Variants in GRIN2A observed in about 807,000 individuals in gnomAD.
GRIN2A encodes the protein glutamate ionotropic receptor NMDA type subunit 2A.
GRIN2A carries 22 observed loss-of-function variants against 113.4 expected under a neutral mutation model. That is an observed-to-expected ratio of 0.19 (90% CI 0.14 to 0.28). GRIN2A has a LOEUF of 0.28. Ranked by LOEUF, GRIN2A falls within the 10% of genes least tolerant of loss-of-function variation. GRIN2A has a pLI of 1.00. For synonymous variants in GRIN2A, 827 were observed against 738.4 expected, an observed-to-expected ratio of 1.12 and a Z score of -1.94; for missense variants, 1,502 against 1,887.0, an observed-to-expected ratio of 0.80 and a Z score of 3.78.
chr16:10,012,874 G>T (rs1237386119), intron 2 of GRIN2A, among the ~76,000 whole-genome samples: 2 of 152,178 alleles, frequency 1.3e-5, no homozygotes, highest in African/African-American at 4.8e-5. Flanking sequence ...AGAACTGTAG[G>T]ATAATAAATT....
chr16:9,807,657 G>A (rs532741105), intron 10 of GRIN2A, among the ~76,000 whole-genome samples: 1 of 152,200 alleles, frequency 6.6e-6, no homozygotes, highest in South Asian at 2.1e-4. Flanking sequence ...TTTTTCAGAT[G>A]AGGACACTGA....
At chr16:10,128,077 T>C (rs987521142) in intron 2 of GRIN2A, among the ~76,000 whole-genome samples, 1 of 152,164 alleles carries the variant, frequency 6.6e-6, no homozygotes, top group Non-Finnish European at 1.5e-5. Flanking sequence ...TCAGTGAGCT[T>C]CCCTTGTTGG....
chr16:10,083,995 G>T (rs937912635), intron 2 of GRIN2A, among the ~76,000 whole-genome samples: 1 of 152,258 alleles, frequency 6.6e-6, no homozygotes, highest in Non-Finnish European at 1.5e-5. Context: ...CCAGCTACTT[G>T]GGGGTTGAAG....
chr16:10,127,266 A>C (rs1480036195), intron 2 of GRIN2A, among the ~76,000 whole-genome samples: 1 of 151,408 alleles, frequency 6.6e-6, no homozygotes, highest in African/African-American at 2.4e-5. Context: ...ACAAGATGGG[A>C]AAGTCTTTGG....
intron 2 of GRIN2A, among the ~76,000 whole-genome samples, chr16:10,036,790 C>G (rs2047043286): frequency 6.6e-6 from 1 of 151,956 alleles, no homozygotes. Context: ...TACCATCTCT[C>G]CTCTCTGCAT....
At chr16:9,819,654 T>A (rs144566019) in intron 10 of GRIN2A, among the ~76,000 whole-genome samples, 1 of 151,998 alleles carries the variant, frequency 6.6e-6, no homozygotes, top group African/African-American at 2.4e-5. Context: ...TAAGAGTATA[T>A]TGAATTATTT....
intron 10 of GRIN2A, among the ~76,000 whole-genome samples, chr16:9,813,029 G>C (rs1013451362): frequency 6.6e-6 from 1 of 152,210 alleles, no homozygotes; most frequent in Non-Finnish European, 1.5e-5. Flanking sequence ...GCTCTTCATC[G>C]TACAGAAGTG....
At chr16:10,113,112 C>G (rs1445096341) in intron 2 of GRIN2A, among the ~76,000 whole-genome samples, 1 of 152,054 alleles carries the variant, frequency 6.6e-6, no homozygotes, top group Non-Finnish European at 1.5e-5. Flanking sequence ...GCCCCCCAGC[C>G]CAGCCAGCCA....
At chr16:9,798,716 C>G (rs1054738114) in intron 10 of GRIN2A, among the ~76,000 whole-genome samples, 20 of 152,184 alleles carry the variant, frequency 1.3e-4, no homozygotes, top group Middle Eastern at 3.2e-3. Flanking sequence ...AGTGAGTAAA[C>G]AGTTGAGTTT....
chr16:9,917,187 T>C lies in GRIN2A; in HGVS notation c.1007+20772A>G, dbSNP rs2044269590. 2.0e-5 allele frequency among the ~76,000 whole-genome samples: 3 copies of C among 152,234 alleles called. No individual in the cohort carries two copies. The South Asian group carries it at 6.2e-4, about 32-fold the overall frequency. On this transcript the variant is annotated intron_variant, in intron 3 of 12. Transcript: ENST00000330684. ...CTTCTGCAAAGAGGCAAGAGGTGTG[T>C]TCCTTCCATCCTTCACGTTTTCCAT...
At chr16:10,062,060 GA>G (rs2047559158) in intron 2 of GRIN2A, among the ~76,000 whole-genome samples, 1 of 152,154 alleles carries the variant, frequency 6.6e-6, no homozygotes. Context: ...GTAATGGCCG[GA>G]CCAAAGTCAC....
intron 2 of GRIN2A, among the ~76,000 whole-genome samples, chr16:10,119,070 G>A (rs2048781412): frequency 6.6e-6 from 1 of 152,114 alleles, no homozygotes; most frequent in Non-Finnish European, 1.5e-5. Flanking sequence ...TCACCAACCA[G>A]GAACACCATT....
At chr16:10,036,255 A>T (rs1277324614) in intron 2 of GRIN2A, among the ~76,000 whole-genome samples, 1 of 152,024 alleles carries the variant, frequency 6.6e-6, no homozygotes, top group Non-Finnish European at 1.5e-5. Context: ...CTTGAACAAT[A>T]TAATTTTTTT....
At chr16:9,886,915 C>A (rs2043596748) in intron 4 of GRIN2A, among the ~76,000 whole-genome samples, 1 of 152,090 alleles carries the variant, frequency 6.6e-6, no homozygotes, top group African/African-American at 2.4e-5. Flanking sequence ...TGAGACAAAA[C>A]CTTGCTCTGT....
chr16:10,081,773 C>T (rs1250433537), intron 2 of GRIN2A, among the ~76,000 whole-genome samples: 1 of 152,130 alleles, frequency 6.6e-6, no homozygotes, highest in Non-Finnish European at 1.5e-5. Flanking sequence ...GCACAGTCTC[C>T]AAATCTGATG....
intron 2 of GRIN2A, among the ~76,000 whole-genome samples, chr16:10,107,194 T>C (rs987253704): frequency 6.6e-6 from 1 of 152,194 alleles, no homozygotes; most frequent in Non-Finnish European, 1.5e-5. Flanking sequence ...TTTCTGTATT[T>C]GGAAGAGCTA....
chr16:9,822,227 C>A, intron 10 of GRIN2A, 37 bp downstream of exon 10: 1 of 1,606,814 alleles, frequency 6.2e-7, no homozygotes, highest in African/African-American at 1.3e-5. Flanking sequence ...GTTTATCGCT[C>A]GCAGACCTGT....
Position 9,938,208 on chromosome 16 carries a change from A to T in GRIN2A, c.758T>A (p.Phe253Tyr), listed in dbSNP as rs762869573. The change falls in exon 3 of 13, where the codon TTC becomes TAC. Residue 253 changes from phenylalanine to tyrosine, a missense_variant. Phe to Tyr is a conservative substitution (Grantham distance 22). Coordinates refer to ENST00000330684, the MANE Select transcript of GRIN2A (RefSeq NM_001134407.3). Reference protein sequence around the residue: ...ARSLGLTGYDFFWIVPSLVSG... With the variant: ...ARSLGLTGYDYFWIVPSLVSG... ...GACCAAGCTGGGGACAATCCAGAAG[A>T]AATCATACCCGGTGAGGCCAAGGGA... 6.2e-7 allele frequency: 1 copy of T among 1,614,130 alleles called. No homozygotes were observed. The highest frequency in any genetic ancestry group is 8.5e-7 in the Non-Finnish European group (1 of 1,179,962).
intron 2 of GRIN2A, among the ~76,000 whole-genome samples, chr16:10,156,215 C>G (rs1443410364): frequency 6.6e-6 from 1 of 152,224 alleles, no homozygotes; most frequent in Non-Finnish European, 1.5e-5. Context: ...TCAGCCATTT[C>G]ATGGCTCCAC....
Sources: allele counts gnomAD v4.1 joint callset (sites outside exome capture counted in the v4.1 genomes callset), GRCh38; gene constraint gnomAD v4.1.1; transcripts MANE v1.5; gene names NCBI Gene and HGNC (gene_info 2026-07-23, HGNC 2026-07-21).